Variants in SAMD4A observed in about 807,000 individuals in gnomAD.
SAMD4A encodes the protein protein Smaug homolog 1.
In SAMD4A, 33 loss-of-function variants were observed where a neutral mutation model predicts 81.3. The ratio of observed to expected loss-of-function variants is 0.41; its 90% CI spans 0.31 to 0.54. SAMD4A has a LOEUF of 0.54. SAMD4A is among the 20% of genes least tolerant of loss of function. The probability of loss-of-function intolerance (pLI) is 0.37; values close to 1 mark genes in which losing one functional copy is unlikely to be tolerated. For synonymous variants in SAMD4A, 389 were observed against 382.1 expected (o/e 1.02, Z -0.21); for missense variants, 854 against 951.1 (o/e 0.90, Z 1.34).
At position 54,675,086 on chromosome 14, in the gene SAMD4A, C is replaced by T. The variant is rs2035961379; in HGVS notation, c.197-26976C>T. On this transcript the variant is annotated intron_variant, in intron 2 of 12. Coordinates refer to ENST00000554335, the MANE Select transcript of SAMD4A (RefSeq NM_015589.6). ...AGAGATTTTAAAAGAAAGCAGAAGG[C>T]CAGGCATGGTGGCTCGCGCCTGTAA... Among the ~76,000 whole-genome samples the T allele has an allele frequency of 2.0e-5, 3 of 152,076 alleles. No homozygotes were observed. The South Asian group carries it at 6.2e-4, about 32-fold the overall frequency.
rs5808793 is a variant in SAMD4A at position 54,723,103 on chromosome 14, G to GA, written c.716-13909dup. Among the ~76,000 whole-genome samples, 400 of 150,588 alleles carry GA rather than the reference G, an allele frequency of 2.7e-3. 3 individuals carry two copies. The highest frequency in any genetic ancestry group is 8.8e-3 in the African/African-American group (359 of 40,694). On this transcript the variant is annotated intron_variant, in intron 3 of 12. Transcript: ENST00000554335. Reference sequence around the variant, plus strand: ...TATGGTTATCTTATATTTTTAAATAGAAAAAAAAAAAACCCATCTAGGTGT... The same window carrying GA: ...TATGGTTATCTTATATTTTTAAATAGAAAAAAAAAAAAACCCATCTAGGTGT...
At position 54,789,379 on chromosome 14, in the gene SAMD4A, C is replaced by T. The variant is rs2039220852; in HGVS notation, c.*435C>T. On this transcript the variant is annotated 3_prime_UTR_variant, in exon 13 of 13. Transcript: ENST00000554335. ...ACAGGCAGGCCACAGAAGGATATCG[C>T]GGGCACGTGCACCCAAAGCAAGATA... 1 of 189,652 alleles carries T rather than the reference C, an allele frequency of 5.3e-6. No individual in the cohort carries two copies. The highest frequency in any genetic ancestry group is 5.5e-5 in the Admixed American group (1 of 18,112). 11.7% of individuals were successfully genotyped at this position (189,652 alleles called of 1,614,324 possible).
At chr14:54,709,597 T>C (rs1464352707) in intron 3 of SAMD4A, among the ~76,000 whole-genome samples, 5 of 152,014 alleles carry the variant, frequency 3.3e-5, no homozygotes, top group Non-Finnish European at 7.4e-5. Flanking sequence ...GAAGAATGTA[T>C]TTTTTTAGCA....
chr14:54,776,317 C>T lies in SAMD4A; in HGVS notation c.1918-97C>T, dbSNP rs146113820. The T allele has an allele frequency of 8.2e-5, 108 of 1,321,928 alleles. No individual in the cohort carries two copies. In the African/African-American group the frequency reaches 1.4e-3, roughly 18 times the overall value. 81.9% of individuals were successfully genotyped at this position (1,321,928 alleles called of 1,614,324 possible). A position where few individuals can be genotyped will look rare whatever the true frequency, so the allele number is the denominator to read the frequency against. ...AGCCCCTTTTCTAGAAGTTAGAGTTCTCCTGGGATCTTTGCCTCCCAAATT... is the reference window on the plus strand; with the variant it reads ...AGCCCCTTTTCTAGAAGTTAGAGTTTTCCTGGGATCTTTGCCTCCCAAATT... On this transcript the variant is annotated intron_variant, in intron 10 of 12. Transcript: ENST00000554335.
chr14:54,748,953 G>C (rs1264591921), intron 5 of SAMD4A, 29 bp downstream of exon 5: 1 of 1,498,104 alleles, frequency 6.7e-7, no homozygotes, highest in Non-Finnish European at 9.1e-7. Flanking sequence ...TGTTCCCTGA[G>C]AGGGTGCCCC....
At chr14:54,571,048 GTAA>G (rs2033114479) in intron 2 of SAMD4A, among the ~76,000 whole-genome samples, 1 of 152,110 alleles carries the variant, frequency 6.6e-6, no homozygotes, top group African/African-American at 2.4e-5. Flanking sequence ...AAAATTACTA[GTAA>G]TAGTATGAAT....
chr14:54,776,336 C>T (rs2038846742), intron 10 of SAMD4A, 78 bp from the exon 11 acceptor site: 1 of 1,487,688 alleles, frequency 6.7e-7, no homozygotes, highest in Non-Finnish European at 9.0e-7. Flanking sequence ...TCTTTGCCTC[C>T]CAAATTCTTG....
intron 11 of SAMD4A, among the ~76,000 whole-genome samples, chr14:54,778,423 C>A (rs1424530368): frequency 6.6e-6 from 1 of 152,220 alleles, no homozygotes; most frequent in East Asian, 1.9e-4. Context: ...CATTTTCACT[C>A]TTCATGCAAA....
intron 2 of SAMD4A, among the ~76,000 whole-genome samples, chr14:54,585,286 T>C (rs2140159844): frequency 6.6e-6 from 1 of 152,328 alleles, no homozygotes; most frequent in East Asian, 1.9e-4. Context: ...GACATTTAGG[T>C]TATTTCCAGT....
intron 5 of SAMD4A, 117 bp downstream of exon 5, chr14:54,749,041 C>A: frequency 1.5e-6 from 1 of 687,086 alleles, no homozygotes; most frequent in South Asian, 1.9e-5. Context: ...TTGCCCTGTG[C>A]TGGAAACTGT....
chr14:54,567,500 G>T lies in SAMD4A; in HGVS notation c.-417G>T. ...CAGCTCTTTCTCTCCTTCCAGTGGT[G>T]ATCGCCGCTCGGGAATGCGGGCGTG... is the stretch of plus-strand genomic sequence containing the variant. On this transcript the variant is annotated 5_prime_UTR_variant, in exon 2 of 13. Coordinates refer to ENST00000554335, the MANE Select transcript of SAMD4A (RefSeq NM_015589.6). 9.8e-6 allele frequency: 2 copies of T among 203,672 alleles called. No homozygotes were observed. Among genetic ancestry groups the T allele is most frequent in the Non-Finnish European group, 2.0e-5 (2 of 101,080 alleles). 12.6% of individuals were successfully genotyped at this position (203,672 alleles called of 1,614,324 possible).
intron 7 of SAMD4A, among the ~76,000 whole-genome samples, chr14:54,761,082 CTT>C (rs1191463781): frequency 6.6e-6 from 1 of 152,244 alleles, no homozygotes; most frequent in Non-Finnish European, 1.5e-5. Context: ...TATATTCTCT[CTT>C]CACGGCTGGC....
intron 11 of SAMD4A, among the ~76,000 whole-genome samples, chr14:54,782,688 C>T (rs2039029083): frequency 6.6e-6 from 1 of 152,212 alleles, no homozygotes; most frequent in African/African-American, 2.4e-5. Flanking sequence ...CATAGCGTTC[C>T]TTTTTGCCAG....
At position 54,789,978 on chromosome 14, in the gene SAMD4A, A is replaced by C. The variant is rs1594949990; in HGVS notation, c.*1034A>C. ...CACGGAGAGGCCTCCCTCCCTTTCC[A>C]CCCCACCCATGGGGCATTATCCTGT... On this transcript the variant is annotated 3_prime_UTR_variant, in exon 13 of 13. Coordinates refer to ENST00000554335, the MANE Select transcript of SAMD4A (RefSeq NM_015589.6). 6.6e-6 allele frequency: 1 copy of C among 151,900 alleles called. No homozygotes were observed. The highest frequency in any genetic ancestry group is 1.5e-5 in the Non-Finnish European group (1 of 67,982). 9.4% of individuals were successfully genotyped at this position (151,900 alleles called of 1,614,324 possible). A position where few individuals can be genotyped will look rare whatever the true frequency, so the allele number is the denominator to read the frequency against.
chr14:54,762,732 G>C (rs958314299), intron 7 of SAMD4A, among the ~76,000 whole-genome samples: 1 of 152,130 alleles, frequency 6.6e-6, no homozygotes, highest in Admixed American at 6.5e-5. Context: ...CAACATGGTG[G>C]AAAGTGGAAA....
chr14:54,633,136 C>T (rs1335136477), intron 2 of SAMD4A, among the ~76,000 whole-genome samples: 1 of 152,148 alleles, frequency 6.6e-6, no homozygotes, highest in Non-Finnish European at 1.5e-5. Context: ...ACAGTCCTAA[C>T]CATAATGTAT....
intron 2 of SAMD4A, among the ~76,000 whole-genome samples, chr14:54,683,295 T>C (rs989336171): frequency 6.6e-6 from 1 of 152,172 alleles, no homozygotes; most frequent in Admixed American, 6.5e-5. Context: ...CATGCCAGGT[T>C]AGTGAGAGTC....
At chr14:54,677,051 C>G (rs2036008608) in intron 2 of SAMD4A, among the ~76,000 whole-genome samples, 1 of 152,238 alleles carries the variant, frequency 6.6e-6, no homozygotes, top group African/African-American at 2.4e-5. Context: ...GTTTAGTTAT[C>G]TAACTTGTTA....
intron 2 of SAMD4A, chr14:54,694,642 C>T (rs1316953278): frequency 3.6e-5 from 35 of 985,316 alleles, no homozygotes; most frequent in Non-Finnish European, 4.1e-5. Context: ...AGGTCAGAAC[C>T]GAGGCAGGTG....
Sources: allele counts gnomAD v4.1 joint callset (sites outside exome capture counted in the v4.1 genomes callset), GRCh38; gene constraint gnomAD v4.1.1; transcripts MANE v1.5; gene names NCBI Gene and HGNC (gene_info 2026-07-23, HGNC 2026-07-21).